Variants in DCLRE1C observed in about 807,000 individuals in gnomAD.
The protein encoded by DCLRE1C is DNA cross-link repair 1C, also known as protein artemis.
A neutral mutation model predicts 61.4 loss-of-function variants in DCLRE1C; 47 were observed. That is an observed-to-expected ratio of 0.77 (90% confidence interval 0.61 to 0.98). DCLRE1C has a LOEUF of 0.98. Ranked by LOEUF, DCLRE1C falls within the 50% of genes least tolerant of loss-of-function variation. The probability of loss-of-function intolerance (pLI) is 0.00; values close to 1 mark genes in which losing one functional copy is unlikely to be tolerated. For synonymous variants in DCLRE1C, 337 were observed against 287.6 expected (o/e 1.17, Z -1.74); for missense variants, 858 against 816.0 (o/e 1.05, Z -0.63).
intron 12 of DCLRE1C, chr10:14,920,380 C>T: frequency 3.9e-6 from 4 of 1,025,562 alleles, no homozygotes; most frequent in Non-Finnish European, 4.7e-6. Flanking sequence ...GACGTCCTAC[C>T]CCTTTCGAAG....
intron 2 of DCLRE1C, among the ~76,000 whole-genome samples, chr10:14,948,674 G>C (rs566922463): frequency 2.4e-4 from 36 of 151,964 alleles, no homozygotes; most frequent in African/African-American, 6.8e-4. Context: ...CCAGGAGTTC[G>C]AGATCAGCCT....
intron 11 of DCLRE1C, among the ~76,000 whole-genome samples, chr10:14,925,779 C>G (rs1213332356): frequency 6.6e-6 from 1 of 152,116 alleles, no homozygotes; most frequent in Non-Finnish European, 1.5e-5. Flanking sequence ...ACAAAAAGCA[C>G]AAAAATATGA....
In DCLRE1C at chr10:14,905,283, A is replaced by G. The variant is rs948606925; in HGVS notation, c.*3125T>C. Among the ~76,000 whole-genome samples the G allele has an allele frequency of 6.6e-6, 1 of 152,262 alleles. No individual in the cohort carries two copies. The highest frequency in any genetic ancestry group is 1.5e-5 in the Non-Finnish European group (1 of 68,046). ...TCATGCATTTGAATATTAAAGGACA[A>G]TTTGACATTTCGCTAGCATAATGTG... On this transcript the variant is annotated 3_prime_UTR_variant, in exon 14 of 14. Transcript: ENST00000378278.
At chr10:14,934,887 T>A in intron 6 of DCLRE1C, 112 bp from the exon 7 acceptor site, 1 of 772,436 alleles carries the variant, frequency 1.3e-6, no homozygotes, top group Non-Finnish European at 2.3e-6. Flanking sequence ...AAGTGCAATG[T>A]CTGCTCACTA....
chr10:14,943,978 T>G (rs1308260820), intron 3 of DCLRE1C, among the ~76,000 whole-genome samples: 1 of 152,160 alleles, frequency 6.6e-6, no homozygotes, highest in Non-Finnish European at 1.5e-5. Context: ...TTCACCAGAC[T>G]TTTTCCTCCC....
chr10:14,898,772 T>G (rs1250834088), exon 14 of DCLRE1C: 1 of 154,598 alleles, frequency 6.5e-6, no homozygotes, highest in African/African-American at 2.4e-5. Flanking sequence ...TGCATGAAAA[T>G]AACATATTCT....
At chr10:14,917,225 A>G (rs1178266164) in intron 13 of DCLRE1C, among the ~76,000 whole-genome samples, 2 of 152,242 alleles carry the variant, frequency 1.3e-5, no homozygotes, top group Non-Finnish European at 2.9e-5. Context: ...CCTGGGATCT[A>G]CATTTGAACC....
rs919860514 is a variant in DCLRE1C at position 14,898,202 on chromosome 10, C to CTTTT, written c.*958_*961dup. The stretch of plus-strand genomic sequence containing the variant: ...AAAACTCAGTGAGGTAGTACTGTTT[C>CTTTT]TTTTTTTTTTTTTTTTTTTTTTTTT... On this transcript the variant is annotated 3_prime_UTR_variant, in exon 14 of 14. Coordinates refer to the DCLRE1C transcript ENST00000378289. 47 of 56,152 alleles carry CTTTT rather than the reference C, an allele frequency of 8.4e-4. 1 individual carries two copies. The highest frequency in any genetic ancestry group is 1.3e-3 in the African/African-American group (18 of 14,148). The allele number at this position is 56,152 out of a possible 1,614,324, so 3.5% of individuals were successfully genotyped here. A position where few individuals can be genotyped will look rare whatever the true frequency, so the allele number is the denominator to read the frequency against.
intron 9 of DCLRE1C, among the ~76,000 whole-genome samples, chr10:14,930,278 CTTTTTTT>C (rs60565089): frequency 9.3e-5 from 8 of 85,726 alleles, no homozygotes; most frequent in African/African-American, 3.6e-4. Flanking sequence ...CACTCAGCAC[CTTTTTTT>C]TTTTTTTTTT....
intron 12 of DCLRE1C, chr10:14,920,524 C>T: frequency 1.8e-6 from 1 of 570,006 alleles, no homozygotes; most frequent in Non-Finnish European, 2.2e-6. Flanking sequence ...TACGTCCTCA[C>T]CCCTGTTCCC....
At position 14,908,995 on chromosome 10, in the gene DCLRE1C, C is replaced by A. The variant is rs372597855; in HGVS notation, c.1492G>T (p.Glu498Ter). ...QWEVFFKRND[E>*]ITDESLENFP... The stretch of plus-strand genomic sequence containing the variant: ...TTTTCCAAACTCTCATCTGTGATTT[C>A]ATCATTTCTTTTAAAGAATACTTCC... Residue 498 changes from glutamate (E) to a stop codon, truncating the protein, a stop_gained, in exon 14 of 14, where the codon GAA becomes TAA. Coordinates refer to ENST00000378278, the MANE Select transcript of DCLRE1C (RefSeq NM_001033855.3). LOFTEE classifies it low-confidence loss of function (END_TRUNC). The A allele has an allele frequency of 6.2e-7, 1 of 1,614,074 alleles. No homozygotes were observed. Among genetic ancestry groups the A allele is most frequent in the Non-Finnish European group, 8.5e-7 (1 of 1,179,982 alleles).
chr10:14,899,318 T>A, intron 13 of DCLRE1C: 5 of 610,712 alleles, frequency 8.2e-6, no homozygotes, highest in East Asian at 3.0e-5. Flanking sequence ...AGACCCTGTT[T>A]AAAAAAAAAA....
chr10:14,953,779 G>A, intron 1 of DCLRE1C, 123 bp downstream of exon 1: 1 of 1,405,638 alleles, frequency 7.1e-7, no homozygotes, highest in Non-Finnish European at 9.8e-7. Flanking sequence ...GACAAGGCGT[G>A]TGCTGGCCGC....
chr10:14,944,662 A>ATTT (rs1226251983), intron 3 of DCLRE1C, among the ~76,000 whole-genome samples: 1 of 138,848 alleles, frequency 7.2e-6, no homozygotes, highest in Non-Finnish European at 1.5e-5. Flanking sequence ...AACAGACTTA[A>ATTT]TTTTTTTTTT....
chr10:14,928,782 T>C (rs935376233), intron 9 of DCLRE1C, among the ~76,000 whole-genome samples: 1 of 145,202 alleles, frequency 6.9e-6, no homozygotes, highest in Non-Finnish European at 1.5e-5. Context: ...GAAGGGTGTA[T>C]GGTGTTTTTT....
chr10:14,919,036 C>A (rs1361350216), intron 13 of DCLRE1C, among the ~76,000 whole-genome samples: 1 of 152,024 alleles, frequency 6.6e-6, no homozygotes, highest in Non-Finnish European at 1.5e-5. Context: ...TAGCACAATA[C>A]CTGCCATTAA....
In DCLRE1C at chr10:14,933,017, G is replaced by GTTAA. The variant is rs1839288271; in HGVS notation, c.679-66_679-63dup. On this transcript the variant is annotated intron_variant, in intron 8 of 13. Coordinates refer to ENST00000378278, the MANE Select transcript of DCLRE1C (RefSeq NM_001033855.3). ...ATGTATTTCCTATAAATTGTTCAAGGTTAATTACTCAGGGCAAAACACCCA... is the reference window on the plus strand; with the variant it reads ...ATGTATTTCCTATAAATTGTTCAAGGTTAATTAATTACTCAGGGCAAAACACCCA... 12 of 1,579,616 alleles carry GTTAA rather than the reference G, an allele frequency of 7.6e-6. No individual in the cohort carries two copies. The East Asian group carries it at 2.7e-4, about 35-fold the overall frequency.
In DCLRE1C at chr10:14,905,167, T is replaced by G. The variant is rs1195991177; in HGVS notation, c.*3241A>C. On this transcript the variant is annotated 3_prime_UTR_variant, in exon 14 of 14. Transcript: ENST00000378278. ...TAACCGAAGGTTTATATTCAATTCC[T>G]TTAAATGTTACTTTCCTTTTAAGAT... Among the ~76,000 whole-genome samples the G allele has an allele frequency of 6.6e-6, 1 of 152,284 alleles. No individual in the cohort carries two copies. The highest frequency in any genetic ancestry group is 2.4e-5 in the African/African-American group (1 of 41,482).
At chr10:14,920,238 G>T in intron 12 of DCLRE1C, 3 of 399,082 alleles carry the variant, frequency 7.5e-6, no homozygotes, top group South Asian at 5.6e-5. Context: ...TGCTTCTCCT[G>T]CCCTGTTCAG....
Sources: gnomAD v4.1 joint callset for allele counts (sites outside exome capture counted in the v4.1 genomes callset) on GRCh38, gnomAD v4.1.1 for gene constraint, MANE v1.5 for transcripts, NCBI Gene and HGNC (gene_info 2026-07-23, HGNC 2026-07-21) for gene names.